CLPB: variants seen among roughly 807,000 people sequenced by gnomAD.
The protein encoded by CLPB is mitochondrial disaggregase.
CLPB carries 40 observed loss-of-function variants against 78.4 expected under a neutral mutation model. That is an observed-to-expected ratio of 0.51 (90% CI 0.40 to 0.66). The LOEUF is 0.66. Among genes scored for constraint, CLPB ranks in the 30% least tolerant of loss-of-function variants. The pLI is 0.00. For synonymous variants in CLPB, 333 were observed against 348.0 expected (o/e 0.96, Z 0.48); for missense variants, 780 against 886.9 (o/e 0.88, Z 1.53).
At chr11:72,397,677 C>A (rs1241874638) in intron 3 of CLPB, among the ~76,000 whole-genome samples, 1 of 152,140 alleles carries the variant, frequency 6.6e-6, no homozygotes. Context: ...AAATATTTTG[C>A]CCATTTAAAA....
At chr11:72,308,936 A>G (rs1267390430) in intron 7 of CLPB, among the ~76,000 whole-genome samples, 1 of 152,146 alleles carries the variant, frequency 6.6e-6, no homozygotes, top group Non-Finnish European at 1.5e-5. Flanking sequence ...AGAATTCGAG[A>G]GGAACTTCTG....
chr11:72,345,429 A>G (rs111411394), intron 5 of CLPB, among the ~76,000 whole-genome samples: 1,570 of 152,360 alleles, frequency 0.01, 30 homozygotes, highest in East Asian at 0.063. Context: ...CATATACAGT[A>G]TGCTACCTTT....
intron 4 of CLPB, among the ~76,000 whole-genome samples, chr11:72,364,681 TC>T (rs1213073991): frequency 6.6e-6 from 1 of 152,026 alleles, no homozygotes; most frequent in African/African-American, 2.4e-5. Context: ...AAATTTTCCT[TC>T]CCACCTTTTT....
chr11:72,302,194 G>T, intron 10 of CLPB, 110 bp downstream of exon 10: 1 of 1,235,372 alleles, frequency 8.1e-7, no homozygotes, highest in Non-Finnish European at 1.2e-6. Flanking sequence ...TGCTCCCAAC[G>T]ACAAATCCCA....
chr11:72,420,547 T>C (rs970713329), intron 2 of CLPB, among the ~76,000 whole-genome samples: 8 of 152,054 alleles, frequency 5.3e-5, no homozygotes, highest in African/African-American at 1.7e-4. Context: ...TGGTAACTAT[T>C]TACATGCACA....
chr11:72,374,109 T>C (rs1353426874), intron 4 of CLPB, among the ~76,000 whole-genome samples: 5 of 152,136 alleles, frequency 3.3e-5, no homozygotes, highest in Non-Finnish European at 7.4e-5. Flanking sequence ...GAATCCATGA[T>C]GGGCAGACAT....
chr11:72,402,294 T>C (rs538391611), intron 3 of CLPB, among the ~76,000 whole-genome samples: 20 of 152,266 alleles, frequency 1.3e-4, no homozygotes, highest in South Asian at 1.2e-3. Flanking sequence ...CACAGACCTT[T>C]CAGGCAGCCA....
chr11:72,299,455 ACT>A (rs1310353577), intron 11 of CLPB, among the ~76,000 whole-genome samples: 3 of 151,096 alleles, frequency 2.0e-5, no homozygotes, highest in Non-Finnish European at 4.4e-5. Context: ...TGTCTCTAGC[ACT>A]CTGTCCTTGT....
At chr11:72,323,563 C>T (rs557820115) in intron 6 of CLPB, among the ~76,000 whole-genome samples, 1 of 127,938 alleles carries the variant, frequency 7.8e-6, no homozygotes, top group East Asian at 2.1e-4. Context: ...GAGACTCCAT[C>T]TCAAAAAAAA....
chr11:72,398,372 T>C (rs1855468180), intron 3 of CLPB, among the ~76,000 whole-genome samples: 1 of 151,998 alleles, frequency 6.6e-6, no homozygotes, highest in Non-Finnish European at 1.5e-5. Flanking sequence ...GGTGCATGGG[T>C]TCGAATCAAG....
At chr11:72,346,867 G>A (rs1950524400) in intron 5 of CLPB, among the ~76,000 whole-genome samples, 1 of 151,646 alleles carries the variant, frequency 6.6e-6, no homozygotes, top group Admixed American at 6.6e-5. Context: ...TGTAATCCCA[G>A]CTACTCAGGA....
intron 5 of CLPB, among the ~76,000 whole-genome samples, chr11:72,348,247 C>A (rs1304833322): frequency 6.6e-6 from 1 of 152,164 alleles, no homozygotes; most frequent in East Asian, 1.9e-4. Flanking sequence ...TGGTACTACT[C>A]CAAATTTTTA....
chr11:72,383,545 A>G (rs1854984666), intron 3 of CLPB, among the ~76,000 whole-genome samples: 1 of 151,594 alleles, frequency 6.6e-6, no homozygotes, highest in Admixed American at 6.6e-5. Flanking sequence ...AAAAAAAAAA[A>G]AAATTAAAGA....
chr11:72,377,942 T>C (rs1336937516), intron 4 of CLPB, among the ~76,000 whole-genome samples: 3 of 152,238 alleles, frequency 2.0e-5, no homozygotes, highest in East Asian at 1.9e-4. Context: ...TGAGATCAAC[T>C]GGCCCACAAA....
At chr11:72,420,677 A>T (rs1031189697) in intron 2 of CLPB, among the ~76,000 whole-genome samples, 22 of 152,216 alleles carry the variant, frequency 1.4e-4, no homozygotes, top group African/African-American at 5.1e-4. Context: ...TATATAGTAC[A>T]GGGTGCTATG....
At chr11:72,293,963 TGGGGGGCCCTGG>T in intron 15 of CLPB, 47 bp downstream of exon 15, 3 of 1,450,984 alleles carry the variant, frequency 2.1e-6, no homozygotes, top group Non-Finnish European at 2.9e-6. Context: ...GGACTGGGTC[TGGGGGGCCCTGG>T]GGAGGGAGGT....
In CLPB at chr11:72,428,641, A is replaced by C. The variant is rs530138268; in HGVS notation, c.455+1671T>G. ...GCTCATCTCTGATGTCCTCACATGG[A>C]GTGAAGGGAGATTCTGACAGGGTCA... On this transcript the variant is annotated intron_variant, in intron 2 of 15. Transcript: ENST00000538039. 8.3e-4 allele frequency among the ~76,000 whole-genome samples: 126 copies of C among 152,188 alleles called. 2 individuals carry two copies. The highest frequency in any genetic ancestry group is 2.7e-3 in the African/African-American group (111 of 41,496).
intron 2 of CLPB, among the ~76,000 whole-genome samples, chr11:72,413,575 A>C (rs374990833): frequency 8.5e-5 from 13 of 152,184 alleles, no homozygotes; most frequent in Non-Finnish European, 1.6e-4. Flanking sequence ...TACTATTTTT[A>C]TCTGATATAC....
At chr11:72,381,373 C>T (rs1251391254) in intron 3 of CLPB, among the ~76,000 whole-genome samples, 1 of 151,870 alleles carries the variant, frequency 6.6e-6, no homozygotes, top group African/African-American at 2.4e-5. Context: ...TGGTGCCAGG[C>T]CATACCCCAT....
Sources: allele counts gnomAD v4.1 joint callset (sites outside exome capture counted in the v4.1 genomes callset), GRCh38; gene constraint gnomAD v4.1.1; transcripts MANE v1.5; gene names NCBI Gene and HGNC (gene_info 2026-07-23, HGNC 2026-07-21).